Variants in ASXL2 observed in about 807,000 individuals in gnomAD.
ASXL2 encodes the protein ASXL transcriptional regulator 2, also known as putative Polycomb group protein ASXL2.
ASXL2 carries 23 observed loss-of-function variants against 122.0 expected under a neutral mutation model. That is an observed-to-expected ratio of 0.19 (90% CI 0.14 to 0.27). The LOEUF (loss-of-function observed/expected upper bound fraction) is 0.27, where lower values mean the gene tolerates loss of function less well. Ranked by LOEUF, ASXL2 falls within the 10% of genes least tolerant of loss-of-function variation. The pLI, the probability that ASXL2 is intolerant of heterozygous loss-of-function variation, is 1.00. For missense variants in ASXL2, 1,518 were observed against 1,713.8 expected, an observed-to-expected ratio of 0.89 and a Z score of 2.02; for synonymous variants, 650 against 637.0, an observed-to-expected ratio of 1.02 and a Z score of -0.31.
intron 9 of ASXL2, among the ~76,000 whole-genome samples, chr2:25,757,846 C>A (rs2088164765): frequency 1.3e-5 from 2 of 150,180 alleles, no homozygotes; most frequent in African/African-American, 4.9e-5. Flanking sequence ...GAGGAACCAG[C>A]ATTAGAATTC....
At chr2:25,863,284 C>T (rs1198259907) in intron 1 of ASXL2, among the ~76,000 whole-genome samples, 1 of 150,642 alleles carries the variant, frequency 6.6e-6, no homozygotes, top group Non-Finnish European at 1.5e-5. Context: ...GAGCCAAGAT[C>T]GCGCCACTGC....
At position 25,865,648 on chromosome 2, in the gene ASXL2, G is replaced by A. The variant is rs188938879; in HGVS notation, c.57+12518C>T. 3.9e-3 allele frequency among the ~76,000 whole-genome samples: 588 copies of A among 149,040 alleles called. 4 individuals carry two copies. Among genetic ancestry groups the A allele is most frequent in the African/African-American group, 0.013 (541 of 40,548 alleles). On this transcript the variant is annotated intron_variant, in intron 1 of 12. Coordinates refer to ENST00000435504, the MANE Select transcript of ASXL2 (RefSeq NM_018263.6). ...AAATTAGCCAGGCATGGTGGCGGGCGCCTGTAGTCCCAGCTACTTAGGAGG... is the reference window on the plus strand; with the variant it reads ...AAATTAGCCAGGCATGGTGGCGGGCACCTGTAGTCCCAGCTACTTAGGAGG...
chr2:25,765,321 T>C (rs1366345895), intron 8 of ASXL2, among the ~76,000 whole-genome samples: 1 of 151,792 alleles, frequency 6.6e-6, no homozygotes, highest in African/African-American at 2.4e-5. Flanking sequence ...CCGTCTCTAC[T>C]GAAAATACAA....
At chr2:25,839,600 A>G (rs1187964881) in intron 2 of ASXL2, among the ~76,000 whole-genome samples, 1 of 137,196 alleles carries the variant, frequency 7.3e-6, no homozygotes, top group Non-Finnish European at 1.6e-5. Flanking sequence ...TATTACTCCT[A>G]TGGGAAATTC....
chr2:25,873,044 C>T (rs977751237), intron 1 of ASXL2, among the ~76,000 whole-genome samples: 5 of 152,056 alleles, frequency 3.3e-5, no homozygotes, highest in African/African-American at 1.2e-4. Flanking sequence ...ATCACCCGAG[C>T]GGTGTACACT....
In ASXL2 at chr2:25,742,192, A is replaced by C; in HGVS notation, c.4145T>G (p.Ile1382Ser). 1 of 1,614,014 alleles carries C rather than the reference A, an allele frequency of 6.2e-7. No individual in the cohort carries two copies. The highest frequency in any genetic ancestry group is 1.3e-5 in the African/African-American group (1 of 75,046). The change falls in exon 13 of 13, where the codon ATT becomes AGT. Residue 1382 changes from isoleucine to serine, a missense_variant. Coordinates refer to ENST00000435504, the MANE Select transcript of ASXL2 (RefSeq NM_018263.6). ...AMNPSSHGQTIPVQAFSEENS... is the reference protein window; with the variant it reads ...AMNPSSHGQTSPVQAFSEENS... ...CTCTTCGGAGAACGCCTGAACAGGAATGGTCTGGCCATGGCTGCTGGGATT... is the reference window on the plus strand; with the variant it reads ...CTCTTCGGAGAACGCCTGAACAGGACTGGTCTGGCCATGGCTGCTGGGATT...
At chr2:25,849,135 T>A (rs1373609085) in intron 1 of ASXL2, among the ~76,000 whole-genome samples, 1 of 146,250 alleles carries the variant, frequency 6.8e-6, no homozygotes, top group Non-Finnish European at 1.5e-5. Context: ...ATGCTAGGCA[T>A]TTAGAATTAG....
Position 25,743,859 on chromosome 2 carries a change from A to C in ASXL2, c.2478T>G (p.Ser826Arg). Residue 826 changes from serine to arginine, a missense_variant, in exon 13 of 13, where the codon AGT (serine) becomes AGG (arginine). Ser to Arg is a moderately radical substitution (Grantham distance 110). Transcript: ENST00000435504. ...ASVSHPQGPS[S>R]CRQEKAPSPT... ...GAGAAGGTGCTTTCTCCTGTCTGCA[A>C]CTACTGGGCCCTTGTGGATGGCTGA... The C allele has an allele frequency of 6.2e-7, 1 of 1,614,022 alleles. No individual in the cohort carries two copies. Among genetic ancestry groups the C allele is most frequent in the Non-Finnish European group, 8.5e-7 (1 of 1,179,892 alleles).
At chr2:25,826,052 C>T (rs2089371023) in intron 3 of ASXL2, among the ~76,000 whole-genome samples, 2 of 152,162 alleles carry the variant, frequency 1.3e-5, no homozygotes, top group Admixed American at 6.5e-5. Context: ...TGGGCGGGCA[C>T]TATGTCCTCA....
intron 5 of ASXL2, among the ~76,000 whole-genome samples, chr2:25,774,340 T>A (rs972020061): frequency 2.0e-5 from 3 of 152,188 alleles, no homozygotes; most frequent in African/African-American, 4.8e-5. Flanking sequence ...TATATTTAAA[T>A]TTTTTAAAAA....
At chr2:25,816,228 C>A (rs2089232037) in intron 3 of ASXL2, among the ~76,000 whole-genome samples, 1 of 148,252 alleles carries the variant, frequency 6.7e-6, no homozygotes, top group African/African-American at 2.5e-5. Context: ...ACAAAGCGAG[C>A]CTCCATCTCA....
intron 3 of ASXL2, among the ~76,000 whole-genome samples, chr2:25,818,763 T>C (rs1000752722): frequency 2.0e-5 from 3 of 152,140 alleles, no homozygotes; most frequent in African/African-American, 7.2e-5. Flanking sequence ...GCAACAGTGA[T>C]AGGAAGTTTC....
intron 3 of ASXL2, among the ~76,000 whole-genome samples, chr2:25,833,893 T>C (rs1276657102): frequency 3.3e-5 from 5 of 152,196 alleles, no homozygotes; most frequent in Non-Finnish European, 7.4e-5. Flanking sequence ...GATGAGACTA[T>C]GCATTAGTTC....
chr2:25,865,304 A>G (rs1327684005), intron 1 of ASXL2, among the ~76,000 whole-genome samples: 1 of 151,588 alleles, frequency 6.6e-6, no homozygotes, highest in Non-Finnish European at 1.5e-5. Flanking sequence ...GGTGGCGCGC[A>G]CCTTTAAGTC....
At chr2:25,829,980 A>G (rs940195074) in intron 3 of ASXL2, among the ~76,000 whole-genome samples, 6 of 152,216 alleles carry the variant, frequency 3.9e-5, no homozygotes, top group African/African-American at 1.4e-4. Context: ...CCACATCTAC[A>G]GGCATCAGGC....
At chr2:25,844,578 A>AAAAAAAAACAAAC (rs1249880064) in intron 2 of ASXL2, among the ~76,000 whole-genome samples, 1 of 151,814 alleles carries the variant, frequency 6.6e-6, no homozygotes, top group East Asian at 1.9e-4. Context: ...TCCGTCTCAA[A>AAAAAAAAACAAAC]AAAAAAAACA....
At chr2:25,799,363 T>C (rs373685677) in intron 5 of ASXL2, 22 bp downstream of exon 5, 85 of 1,613,978 alleles carry the variant, frequency 5.3e-5, no homozygotes, top group Non-Finnish European at 6.6e-5. Context: ...TAGTACTTTA[T>C]TGAAGGATCA....
intron 3 of ASXL2, among the ~76,000 whole-genome samples, chr2:25,832,200 A>G (rs1261886163): frequency 1.3e-5 from 2 of 152,352 alleles, no homozygotes; most frequent in Admixed American, 6.5e-5. Context: ...ACATTTCATG[A>G]CTGGAACACA....
intron 6 of ASXL2, among the ~76,000 whole-genome samples, chr2:25,769,149 T>C (rs1035297418): frequency 6.6e-6 from 1 of 152,224 alleles, no homozygotes; most frequent in Non-Finnish European, 1.5e-5. Context: ...CATTCCTTTA[T>C]ATAAATGTGA....
Sources: allele counts gnomAD v4.1 joint callset (sites outside exome capture counted in the v4.1 genomes callset), GRCh38; gene constraint gnomAD v4.1.1; transcripts MANE v1.5; gene names NCBI Gene and HGNC (gene_info 2026-07-23, HGNC 2026-07-21).